Variants in VPS16 observed in about 807,000 individuals in gnomAD.
VPS16 encodes VPS16 core subunit of CORVET and HOPS complexes.
Under a neutral mutation model 116.0 loss-of-function variants are expected in VPS16, and 82 were observed. That is an observed-to-expected ratio of 0.71 (90% CI 0.59 to 0.85). The LOEUF (loss-of-function observed/expected upper bound fraction) is 0.85. Among genes scored for constraint, VPS16 ranks in the 40% least tolerant of loss-of-function variants. The pLI is 0.00. For missense variants in VPS16, 928 were observed against 1,090.6 expected (o/e 0.85, Z 2.10); for synonymous variants, 406 against 420.7 (o/e 0.96, Z 0.43).
chr20:2,858,467 A>G (rs900795385), intron 1 of VPS16, among the ~76,000 whole-genome samples: 2 of 152,160 alleles, frequency 1.3e-5, no homozygotes, highest in African/African-American at 4.8e-5. Flanking sequence ...CTGCTCCTTC[A>G]TCAAAATATA....
Position 2,865,602 on chromosome 20 carries a change from T to C in VPS16, c.2271+107T>C, listed in dbSNP as rs1189920295. On this transcript the variant is annotated intron_variant, in intron 22 of 23. Transcript: ENST00000380445. This position sits in a 1 kb window ranked among gnomAD's most constrained non-coding sequence, Gnocchi z 5.2. ...TGGCCCGTTCATGCTCCTGTTCAGC[T>C]GCCCGCATAGTTAGCGAGTGCTTCC... is the stretch of plus-strand genomic sequence containing the variant. 4 of 1,031,768 alleles carry C rather than the reference T, an allele frequency of 3.9e-6. No individual in the cohort carries two copies. The highest frequency in any genetic ancestry group is 5.6e-6 in the Non-Finnish European group (4 of 709,262). 63.9% of individuals were successfully genotyped at this position (1,031,768 alleles called of 1,614,324 possible).
rs574630846 is a variant in VPS16 at position 2,865,184 on chromosome 20, C to T, written c.2041C>T (p.Arg681Trp). 3.7e-6 allele frequency: 6 copies of T among 1,614,156 alleles called. No homozygotes were observed. The highest frequency in any genetic ancestry group is 2.7e-5 in the African/African-American group (2 of 75,042). ...TCAAATGCGGCTCCTACGGCTGCAG[C>T]GGCGCCTAGAAGACGAGCTGGGGGG... ...EDQMRLLRLQ[R>W]RLEDELGGQF... Residue 681 changes from arginine to tryptophan, a missense_variant, in exon 21 of 24, where the codon CGG becomes TGG. Transcript: ENST00000380445. The surrounding 1 kb of genome is among the most constrained non-coding windows in gnomAD (Gnocchi z 5.2).
chr20:2,865,504 G>A lies in VPS16; in HGVS notation c.2271+9G>A, dbSNP rs1453775691. The A allele has an allele frequency of 1.9e-6, 3 of 1,612,198 alleles. No homozygotes were observed. The highest frequency in any genetic ancestry group is 2.7e-5 in the African/African-American group (2 of 74,926). ...CACCCATTGGCTACCTGGTGAGGCA[G>A]GGTCCTCCCTCCAGCCCACTTCCAG... On this transcript the variant is annotated intron_variant, in intron 22 of 23. Transcript: ENST00000380445. The surrounding 1 kb of genome is among the most constrained non-coding windows in gnomAD (Gnocchi z 5.2).
At chr20:2,842,075 T>C (rs1191394678) in intron 1 of VPS16, among the ~76,000 whole-genome samples, 1 of 152,182 alleles carries the variant, frequency 6.6e-6, no homozygotes, top group Non-Finnish European at 1.5e-5. Context: ...TTCTTGCTTC[T>C]CTTTATCACC....
chr20:2,862,097 G>A lies in VPS16; in HGVS notation c.1038G>A (p.Gly346=). The part of the protein sequence containing the change: ...EIFKIASMAP[G]ALLLEAQKEY... The stretch of plus-strand genomic sequence containing the variant: ...TCAAAATTGCCTCAATGGCCCCCGG[G>A]GCGCTGCTCCTGGAGGCTCAGAAGG... The change falls in exon 11 of 24, where the codon GGG becomes GGA. Residue 346 remains glycine, a synonymous_variant. Transcript: ENST00000380445. 1 of 1,613,904 alleles carries A rather than the reference G, an allele frequency of 6.2e-7. No homozygotes were observed. The highest frequency in any genetic ancestry group is 1.1e-5 in the South Asian group (1 of 90,946).
At position 2,858,175 on chromosome 20, in the gene VPS16, G is replaced by A. The variant is rs186564744; in HGVS notation, c.54-1544G>A. On this transcript the variant is annotated intron_variant, in intron 1 of 23. Transcript: ENST00000380445. ...AGTGATGCTGTCTTGGCTCACTGCAGCCTCAACCTCCCAGGTTCAAGCGAT... is the reference window on the plus strand; with the variant it reads ...AGTGATGCTGTCTTGGCTCACTGCAACCTCAACCTCCCAGGTTCAAGCGAT... Among the ~76,000 whole-genome samples the A allele has an allele frequency of 2.6e-5, 4 of 151,096 alleles. No homozygotes were observed. In the East Asian group the frequency reaches 7.9e-4, roughly 30 times the overall value.
intron 1 of VPS16, among the ~76,000 whole-genome samples, chr20:2,852,021 C>T (rs1387320026): frequency 1.3e-5 from 2 of 152,164 alleles, no homozygotes; most frequent in Admixed American, 6.6e-5. Context: ...GGTGGAAACA[C>T]TAGTGCACAG....
At chr20:2,847,481 A>ATTTT (rs5839972) in intron 1 of VPS16, among the ~76,000 whole-genome samples, 4 of 128,730 alleles carry the variant, frequency 3.1e-5, no homozygotes, top group African/African-American at 1.1e-4. Flanking sequence ...CGCCCCCTCT[A>ATTTT]TTTTTTTTTT....
At position 2,860,464 on chromosome 20, in the gene VPS16, C is replaced by T. The variant is rs769404930; in HGVS notation, c.385C>T (p.Arg129Trp). The change falls in exon 5 of 24, where the codon CGG becomes TGG. Residue 129 changes from arginine (R) to tryptophan (W), a missense_variant. By Grantham distance (101) the Arg-to-Trp change is moderately radical (BLOSUM62 -3). Coordinates refer to ENST00000380445, the MANE Select transcript of VPS16 (RefSeq NM_022575.4). This position sits in a 1 kb window ranked among gnomAD's most constrained non-coding sequence, Gnocchi z 6.1. ...FSMGNEVLQN[R>W]VLDARIFHTE... is the part of the protein sequence containing the mutation. Reference sequence around the variant, plus strand: ...CTTTCCTCAGGAAGTGCTCCAGAACCGGGTTCTGGATGCCCGGATCTTTCA... The same window carrying T: ...CTTTCCTCAGGAAGTGCTCCAGAACTGGGTTCTGGATGCCCGGATCTTTCA... 5.0e-6 allele frequency: 8 copies of T among 1,613,936 alleles called. No homozygotes were observed. Among genetic ancestry groups the T allele is most frequent in the African/African-American group, 1.3e-5 (1 of 74,876 alleles).
In VPS16 at chr20:2,866,586, T is replaced by G. The variant is rs2089352363; in HGVS notation, c.*12T>G. On this transcript the variant is annotated 3_prime_UTR_variant, in exon 24 of 24. Coordinates refer to ENST00000380445, the MANE Select transcript of VPS16 (RefSeq NM_022575.4). ...CCCAGAAGAAGTGAGGAGTCCATCC[T>G]GTACATCTCAAGCAAGGGGTTCCTC... is the stretch of plus-strand genomic sequence containing the variant. 1 of 1,613,492 alleles carries G rather than the reference T, an allele frequency of 6.2e-7. No homozygotes were observed. Among genetic ancestry groups the G allele is most frequent in the Non-Finnish European group, 8.5e-7 (1 of 1,179,810 alleles).
At chr20:2,843,985 A>G (rs2089034319) in intron 1 of VPS16, among the ~76,000 whole-genome samples, 1 of 152,216 alleles carries the variant, frequency 6.6e-6, no homozygotes, top group Admixed American at 6.5e-5. Flanking sequence ...TTACAATCCC[A>G]TGAGGTAGGT....
At chr20:2,851,365 T>C (rs943441654) in intron 1 of VPS16, among the ~76,000 whole-genome samples, 3 of 152,120 alleles carry the variant, frequency 2.0e-5, no homozygotes, top group Non-Finnish European at 2.9e-5. Context: ...TCCTAACACT[T>C]TGGGAGGCCG....
At chr20:2,843,960 TA>T (rs2089034057) in intron 1 of VPS16, among the ~76,000 whole-genome samples, 2 of 152,224 alleles carry the variant, frequency 1.3e-5, no homozygotes, top group Admixed American at 1.3e-4. Flanking sequence ...TTATGTGTTT[TA>T]ACTTGCTTAA....
intron 1 of VPS16, among the ~76,000 whole-genome samples, chr20:2,850,814 A>C (rs1016701673): frequency 8.6e-5 from 13 of 150,942 alleles, no homozygotes; most frequent in South Asian, 2.1e-4. Context: ...CAAAAAAAAA[A>C]CAAAAAAAAC....
In VPS16 at chr20:2,860,004, A is replaced by C; in HGVS notation, c.143-50A>C. On this transcript the variant is annotated intron_variant, in intron 2 of 23. Transcript: ENST00000380445. This position sits in a 1 kb window ranked among gnomAD's most constrained non-coding sequence, Gnocchi z 6.1. ...AGCCAGGATGTGAGGCCTGCTTCAC[A>C]TGGGGTGGGCCTAGGGAGCTAGGAC... 2 of 1,609,320 alleles carry C rather than the reference A, an allele frequency of 1.2e-6. No individual in the cohort carries two copies. Among genetic ancestry groups the C allele is most frequent in the Non-Finnish European group, 1.7e-6 (2 of 1,176,542 alleles).
intron 1 of VPS16, among the ~76,000 whole-genome samples, chr20:2,859,468 A>G (rs966691058): frequency 6.6e-6 from 1 of 152,138 alleles, no homozygotes; most frequent in Non-Finnish European, 1.5e-5. Flanking sequence ...ATCCTTGGAC[A>G]CTTGCCCCAA....
At chr20:2,853,678 T>A (rs1217296054) in intron 1 of VPS16, among the ~76,000 whole-genome samples, 2 of 152,044 alleles carry the variant, frequency 1.3e-5, no homozygotes, top group Admixed American at 1.3e-4. Context: ...TATTTTTATT[T>A]TTTTTATTTT....
In VPS16 at chr20:2,865,138, G is replaced by A. The variant is rs1327771245; in HGVS notation, c.2005-10G>A. ...TCATCCCCATCATGCCTCATTATCCGGGTCCCCAGGCTACAGAGGATCAAA... is the reference window on the plus strand; with the variant it reads ...TCATCCCCATCATGCCTCATTATCCAGGTCCCCAGGCTACAGAGGATCAAA... On this transcript the variant is annotated splice_polypyrimidine_tract_variant and intron_variant, in intron 20 of 23. Transcript: ENST00000380445. This position sits in a 1 kb window ranked among gnomAD's most constrained non-coding sequence, Gnocchi z 5.2. 6.2e-7 allele frequency: 1 copy of A among 1,614,060 alleles called. No homozygotes were observed. Among genetic ancestry groups the A allele is most frequent in the Non-Finnish European group, 8.5e-7 (1 of 1,179,988 alleles).
intron 1 of VPS16, among the ~76,000 whole-genome samples, chr20:2,850,804 C>CAA (rs11481951): frequency 6.5e-4 from 91 of 140,716 alleles, no homozygotes; most frequent in East Asian, 1.9e-3. Flanking sequence ...CCCATCTCTA[C>CAA]AAAAAAAAAA....
Sources: allele counts gnomAD v4.1 joint callset (sites outside exome capture counted in the v4.1 genomes callset), GRCh38; gene constraint gnomAD v4.1.1; non-coding constraint Gnocchi (gnomAD v3.1); transcripts MANE v1.5; gene names NCBI Gene and HGNC (gene_info 2026-07-23, HGNC 2026-07-21).